The following SVIL variants were observed in gnomAD, a reference collection of about 807,000 sequenced individuals.
The protein encoded by SVIL is archvillin.
SVIL carries 101 observed loss-of-function variants against 240.4 expected under a neutral mutation model. That is an observed-to-expected ratio of 0.42 (90% CI 0.36 to 0.50). The LOEUF is 0.50. SVIL is among the 20% of genes least tolerant of loss of function. The pLI, the probability that SVIL is intolerant of heterozygous loss-of-function variation, is 0.01. For synonymous variants in SVIL, 999 were observed against 1,100.0 expected (o/e 0.91, Z 1.82); for missense variants, 2,512 against 2,818.7 (o/e 0.89, Z 2.46).
rs765892834 is a variant in SVIL, at chr10:29,532,145, T to C, written c.1866A>G (p.Glu622=). The change falls in exon 9 of 38, where the codon GAA becomes GAG. Residue 622 remains glutamate, a synonymous_variant. Transcript: ENST00000355867. The part of the protein sequence containing the change: ...ELKSRVERSA[E]GPGLPTGVER... ...CCACACCGGTGGGCAAGCCAGGTCC[T>C]TCAGCCGACCTCTCCACCCGTGATT... The C allele has an allele frequency of 1.2e-6, 2 of 1,613,960 alleles. No individual in the cohort carries two copies. The highest frequency in any genetic ancestry group is 1.7e-6 in the Non-Finnish European group (2 of 1,179,864).
chr10:29,573,983 AC>A (rs1955569333), intron 1 of SVIL, among the ~76,000 whole-genome samples: 1 of 152,222 alleles, frequency 6.6e-6, no homozygotes, highest in Non-Finnish European at 1.5e-5. Context: ...GGTGTGAGCC[AC>A]CGCGCCCAGC....
At chr10:29,581,331 C>T (rs1057039649) in intron 1 of SVIL, among the ~76,000 whole-genome samples, 6 of 152,194 alleles carry the variant, frequency 3.9e-5, no homozygotes, top group Admixed American at 1.3e-4. Flanking sequence ...ACTGGTCAGT[C>T]AGACTTTCCA....
intron 6 of SVIL, among the ~76,000 whole-genome samples, chr10:29,544,462 T>C (rs1242580541): frequency 1.3e-5 from 2 of 152,056 alleles, no homozygotes; most frequent in Admixed American, 6.6e-5. Flanking sequence ...GTCCAATGAA[T>C]AGGAATAGTC....
intron 2 of SVIL, among the ~76,000 whole-genome samples, chr10:29,661,082 G>A (rs1959145855): frequency 6.6e-6 from 1 of 151,556 alleles, no homozygotes; most frequent in African/African-American, 2.4e-5. Context: ...CAGGAGAATC[G>A]CTTGAACCAG....
chr10:29,467,909 G>C (rs1168459465), intron 32 of SVIL, 34 bp from the exon 33 acceptor site: 1 of 1,610,144 alleles, frequency 6.2e-7, no homozygotes, highest in East Asian at 2.2e-5. Flanking sequence ...TTCTTTATAA[G>C]TCTGGAGAGT....
At chr10:29,550,108 C>T (rs1204709842) in intron 6 of SVIL, among the ~76,000 whole-genome samples, 1 of 150,364 alleles carries the variant, frequency 6.7e-6, no homozygotes, top group Non-Finnish European at 1.5e-5. Context: ...ATGAGGCTTC[C>T]TGCTTTGGTA....
At chr10:29,599,612 T>A (rs1224834852) in intron 1 of SVIL, among the ~76,000 whole-genome samples, 3 of 152,130 alleles carry the variant, frequency 2.0e-5, no homozygotes, top group African/African-American at 7.2e-5. Flanking sequence ...AGACGGGGTT[T>A]CGCCATGTTA....
Position 29,465,719 on chromosome 10 carries a change from C to T in SVIL, c.6009G>A (p.Leu2003=). 6.2e-7 allele frequency: 1 copy of T among 1,612,794 alleles called. No individual in the cohort carries two copies. Among genetic ancestry groups the T allele is most frequent in the Non-Finnish European group, 8.5e-7 (1 of 1,179,964 alleles). Residue 2003 remains leucine, a synonymous_variant, in exon 34 of 38, where the codon CTG becomes CTA. Transcript: ENST00000355867. ...DPGSFNFAPR[L]FILSSSSGDF... is the part of the protein sequence containing the mutation. The stretch of plus-strand genomic sequence containing the variant: ...CCCCAGAGGAGCTGCTGAGGATGAA[C>T]AGGCGGGGCGCGAAGTTAAAACTTC...
intron 1 of SVIL, among the ~76,000 whole-genome samples, chr10:29,619,331 A>G (rs539774060): frequency 1.6e-4 from 24 of 152,340 alleles, no homozygotes; most frequent in African/African-American, 5.5e-4. Flanking sequence ...GAAGGTCAGG[A>G]TTTTGTGCAA....
At chr10:29,702,269 T>C (rs1260306132) in intron 1 of SVIL, among the ~76,000 whole-genome samples, 1 of 151,078 alleles carries the variant, frequency 6.6e-6, no homozygotes, top group Non-Finnish European at 1.5e-5. Context: ...GAGGAGGTGC[T>C]ACATTTTGAA....
At chr10:29,598,955 A>T (rs1956706123) in intron 1 of SVIL, among the ~76,000 whole-genome samples, 1 of 152,212 alleles carries the variant, frequency 6.6e-6, no homozygotes, top group Admixed American at 6.5e-5. Context: ...CAGCCCAGCC[A>T]ACGTTTCATG....
At position 29,512,839 on chromosome 10, in the gene SVIL, C is replaced by T. The variant is rs781045248; in HGVS notation, c.3412G>A (p.Gly1138Arg). The change falls in exon 17 of 38, where the codon GGG (glycine) becomes AGG (arginine). Residue 1138 changes from glycine to arginine, a missense_variant. Physicochemically the swap from Gly to Arg is moderately radical, Grantham distance 125. Transcript: ENST00000355867. ...AGTCTGTTTCTCCAATCTTCCTCCC[C>T]GCTTTTCTTCAACAGTGCCAATCTA... The part of the protein sequence containing the change: ...KERLALLKKS[G>R]EEDWRNRLSR... 16 of 1,611,240 alleles carry T rather than the reference C, an allele frequency of 9.9e-6. No individual in the cohort carries two copies. Among genetic ancestry groups the T allele is most frequent in the Middle Eastern group, 2.1e-4 (1 of 4,714 alleles).
chr10:29,522,415 T>C lies in SVIL; in HGVS notation c.3384A>G (p.Lys1128=). 6.2e-7 allele frequency: 1 copy of C among 1,614,176 alleles called. No homozygotes were observed. Among genetic ancestry groups the C allele is most frequent in the South Asian group, 1.1e-5 (1 of 91,076 alleles). The part of the protein sequence containing the change: ...LDSPSKTMSI[K]ERLALLKKSG... ...CGCTCACCGAATCTCATTACCTTTC[T>C]TTAATAGACATGGTTTTGCTGGGTG... The change falls in exon 16 of 38, where the codon AAA becomes AAG. Residue 1128 remains lysine (K), a synonymous_variant. Coordinates refer to ENST00000355867, the MANE Select transcript of SVIL (RefSeq NM_021738.3).
At position 29,463,536 on chromosome 10, in the gene SVIL, G is replaced by C; in HGVS notation, c.6233C>G (p.Ser2078Cys). 1 of 1,614,114 alleles carries C rather than the reference G, an allele frequency of 6.2e-7. No homozygotes were observed. Among genetic ancestry groups the C allele is most frequent in the Non-Finnish European group, 8.5e-7 (1 of 1,180,030 alleles). Residue 2078 changes from serine to cysteine, a missense_variant, in exon 35 of 38, where the codon TCC (serine) becomes TGC (cysteine). Around this residue, in one of 3 missense-constraint regions of SVIL, gnomAD observed 797 missense variants for 925.3 expected, o/e 0.86. Transcript: ENST00000355867. ...ITGSARIRWASDRKSAMETVL... is the reference protein window; with the variant it reads ...ITGSARIRWACDRKSAMETVL... ...AGTCTCCATCGCACTCTTCCGGTCGGAGGCCCAGCGGATGCGGGCGGAACC... is the reference window on the plus strand; with the variant it reads ...AGTCTCCATCGCACTCTTCCGGTCGCAGGCCCAGCGGATGCGGGCGGAACC...
intron 1 of SVIL, among the ~76,000 whole-genome samples, chr10:29,726,672 G>C (rs1009756939): frequency 4.6e-5 from 7 of 152,080 alleles, no homozygotes; most frequent in African/African-American, 1.4e-4. Flanking sequence ...GCTTGAACTC[G>C]GGAGGTGGAG....
At chr10:29,545,505 A>T (rs1296039789) in intron 6 of SVIL, among the ~76,000 whole-genome samples, 1 of 152,220 alleles carries the variant, frequency 6.6e-6, no homozygotes, top group East Asian at 1.9e-4. Context: ...GCTGCAGTAC[A>T]GTAATGACAA....
intron 32 of SVIL, among the ~76,000 whole-genome samples, chr10:29,469,777 G>A (rs187231202): frequency 3.3e-5 from 5 of 152,342 alleles, no homozygotes; most frequent in African/African-American, 1.2e-4. Context: ...TACCCGGGAA[G>A]TGCCCGGAGA....
chr10:29,625,989 T>A (rs947748638), intron 1 of SVIL, among the ~76,000 whole-genome samples: 1 of 152,082 alleles, frequency 6.6e-6, no homozygotes, highest in Admixed American at 6.5e-5. Flanking sequence ...TGTTTTGATA[T>A]AAAAGCTGAA....
chr10:29,637,912 C>A (rs550622331), upstream of SVIL, among the ~76,000 whole-genome samples: 1 of 152,190 alleles, frequency 6.6e-6, no homozygotes, highest in South Asian at 2.1e-4. Context: ...TCCCAGATGA[C>A]AACATTATAG....
Sources: allele counts gnomAD v4.1 joint callset (sites outside exome capture counted in the v4.1 genomes callset), GRCh38; gene constraint gnomAD v4.1.1; regional missense constraint gnomAD v4.1.1; transcripts MANE v1.5; gene names NCBI Gene and HGNC (gene_info 2026-07-23, HGNC 2026-07-21).